MECOM: variants seen among roughly 807,000 people sequenced by gnomAD.
MECOM encodes the protein MDS1 and EVI1 complex locus, also known as histone-lysine N-methyltransferase MECOM.
A neutral mutation model predicts 116.3 loss-of-function variants in MECOM; 13 were observed. That is an observed-to-expected ratio of 0.11 (90% CI 0.07 to 0.18). MECOM has a LOEUF of 0.18. Among genes scored for constraint, MECOM ranks in the 10% least tolerant of loss-of-function variants. The pLI is 1.00. For synonymous variants in MECOM, 528 were observed against 535.2 expected, an observed-to-expected ratio of 0.99 and a Z score of 0.19; for missense variants, 1,299 against 1,509.0, an observed-to-expected ratio of 0.86 and a Z score of 2.31.
intron 2 of MECOM, among the ~76,000 whole-genome samples, chr3:169,254,265 C>A (rs6781533): frequency 0.073 from 11,135 of 152,154 alleles, 739 homozygotes; most frequent in African/African-American, 0.18. Context: ...ATCCACATTC[C>A]TTTCATGAGT....
At chr3:169,550,252 C>G (rs1412384774) in intron 1 of MECOM, among the ~76,000 whole-genome samples, 1 of 152,152 alleles carries the variant, frequency 6.6e-6, no homozygotes, top group East Asian at 1.9e-4. Flanking sequence ...TTTTTCCAGG[C>G]CAAGATACCC....
At chr3:169,205,654 G>T (rs1444143546) in intron 2 of MECOM, among the ~76,000 whole-genome samples, 2 of 152,160 alleles carry the variant, frequency 1.3e-5, no homozygotes, top group Non-Finnish European at 2.9e-5. Context: ...TAAAAAATGG[G>T]AGGATTCAGG....
At chr3:169,536,514 T>C (rs73174347) in intron 1 of MECOM, among the ~76,000 whole-genome samples, 11,897 of 151,686 alleles carry the variant, frequency 0.078, 611 homozygotes, top group Middle Eastern at 0.16. Flanking sequence ...GGAACAAAGC[T>C]ACTATGTCTG....
At chr3:169,088,876 G>C (rs1248289523) in intron 16 of MECOM, 124 bp downstream of exon 16, 2 of 802,638 alleles carry the variant, frequency 2.5e-6, no homozygotes, top group South Asian at 3.1e-5. Context: ...TTTTAGAAAG[G>C]CATCTGACCC....
At chr3:169,270,777 T>C (rs1758847280) in intron 2 of MECOM, among the ~76,000 whole-genome samples, 1 of 152,168 alleles carries the variant, frequency 6.6e-6, no homozygotes, top group South Asian at 2.1e-4. Context: ...TGCCCCTGGA[T>C]GGACTAATAC....
intron 5 of MECOM, 49 bp from the exon 6 acceptor site, chr3:169,122,776 C>T (rs746661265): frequency 3.0e-5 from 48 of 1,586,788 alleles, no homozygotes; most frequent in African/African-American, 8.1e-5. Flanking sequence ...CATTCATAAA[C>T]GGAACAACAT....
rs564457733 is a variant in MECOM, at chr3:169,290,029, T to C, written c.375+91158A>G. Among the ~76,000 whole-genome samples, 49 of 152,280 alleles carry C rather than the reference T, an allele frequency of 3.2e-4. No individual in the cohort carries two copies. In the East Asian group the frequency reaches 8.9e-3, roughly 28 times the overall value. On this transcript the variant is annotated intron_variant, in intron 2 of 16. Transcript: ENST00000651503. ...CATTGCCCTTTAATGAAAGGTTCTA[T>C]GCTTAGACTACACCTTGAGAAGCCG...
At chr3:169,573,715 C>T (rs1334172148) in intron 1 of MECOM, among the ~76,000 whole-genome samples, 3 of 152,086 alleles carry the variant, frequency 2.0e-5, no homozygotes, top group Non-Finnish European at 1.5e-5. Flanking sequence ...ATCTTCATAT[C>T]TCCCAAGGCA....
chr3:169,562,139 C>CAAAAAAAAAAAAAAAAAAAAAAA (rs10714325), intron 1 of MECOM, among the ~76,000 whole-genome samples: 1 of 25,288 alleles, frequency 4.0e-5, no homozygotes, highest in African/African-American at 1.4e-4. Context: ...GAGCAATACT[C>CAAAAAAAAAAAAAAAAAAAAAAA]AAAAAAAAAA....
rs759341544 is a variant in MECOM at position 169,231,579 on chromosome 3, GT to G, written c.376-87748del. On this transcript the variant is annotated intron_variant, in intron 2 of 16. Transcript: ENST00000651503. ...AGAGAAAACAGCTGTAGTCAGAGAA[GT>G]CCCTACTGAGGAAATGATATTTGAG... 7.4e-4 allele frequency among the ~76,000 whole-genome samples: 113 copies of G among 152,126 alleles called. No individual in the cohort carries two copies. In the Middle Eastern group the frequency reaches 0.024, roughly 32 times the overall value.
At chr3:169,657,549 A>C (rs1382166856) in intron 1 of MECOM, among the ~76,000 whole-genome samples, 1 of 152,250 alleles carries the variant, frequency 6.6e-6, no homozygotes, top group African/African-American at 2.4e-5. Context: ...CAATGTTGAC[A>C]TTGTACAGAA....
At chr3:169,418,844 A>G (rs6792641) in intron 1 of MECOM, among the ~76,000 whole-genome samples, 29,635 of 152,006 alleles carry the variant, frequency 0.19, 3,507 homozygotes, top group East Asian at 0.52. Context: ...CACAAGACAA[A>G]GATATACTAT....
intron 8 of MECOM, among the ~76,000 whole-genome samples, chr3:169,114,391 A>G (rs927251036): frequency 6.6e-6 from 1 of 152,222 alleles, no homozygotes; most frequent in Non-Finnish European, 1.5e-5. Flanking sequence ...TAGATAATAT[A>G]CATAGAAGAA....
chr3:169,585,721 A>G (rs1301169911), intron 1 of MECOM, among the ~76,000 whole-genome samples: 1 of 152,178 alleles, frequency 6.6e-6, no homozygotes, highest in Non-Finnish European at 1.5e-5. Flanking sequence ...GAGGGTAGGG[A>G]GTTTTATCTG....
intron 2 of MECOM, among the ~76,000 whole-genome samples, chr3:169,301,153 A>G (rs1380638769): frequency 2.6e-5 from 4 of 152,192 alleles, no homozygotes; most frequent in Non-Finnish European, 4.4e-5. Context: ...TCTCATCATC[A>G]TTCTACACAA....
intron 1 of MECOM, chr3:169,566,182 A>C: frequency 8.5e-6 from 2 of 234,744 alleles, no homozygotes; most frequent in Non-Finnish European, 1.7e-5. Flanking sequence ...ACCTCCCACC[A>C]GGCTCCTCCC....
chr3:169,512,895 T>C (rs1185474511), intron 1 of MECOM, among the ~76,000 whole-genome samples: 2 of 152,192 alleles, frequency 1.3e-5, no homozygotes, highest in Non-Finnish European at 2.9e-5. Flanking sequence ...ATATCAACTT[T>C]AGTTTCTCCA....
chr3:169,486,026 A>AT (rs1485601042), intron 1 of MECOM, among the ~76,000 whole-genome samples: 8 of 123,716 alleles, frequency 6.5e-5, no homozygotes, highest in African/African-American at 1.8e-4. Flanking sequence ...ATGTATATAT[A>AT]GTATATATAT....
At chr3:169,396,785 A>G (rs1407311900) in intron 1 of MECOM, among the ~76,000 whole-genome samples, 1 of 152,046 alleles carries the variant, frequency 6.6e-6, no homozygotes, top group Non-Finnish European at 1.5e-5. Flanking sequence ...AGTGTGACAA[A>G]CCTGGTGAAG....
Sources: gnomAD v4.1 joint callset for allele counts (sites outside exome capture counted in the v4.1 genomes callset) on GRCh38, gnomAD v4.1.1 for gene constraint, MANE v1.5 for transcripts, NCBI Gene and HGNC (gene_info 2026-07-23, HGNC 2026-07-21) for gene names.